PLXDC2: variants seen among roughly 807,000 people sequenced by gnomAD.
PLXDC2 encodes the protein plexin domain-containing protein 2.
Under a neutral mutation model 68.9 loss-of-function variants are expected in PLXDC2, and 40 were observed. The ratio of observed to expected loss-of-function variants is 0.58; its 90% CI spans 0.45 to 0.76. The LOEUF is 0.76. PLXDC2 is among the 30% of genes least tolerant of loss of function. The probability of loss-of-function intolerance (pLI) is 0.00; values close to 1 mark genes in which losing one functional copy is unlikely to be tolerated. For synonymous variants in PLXDC2, 243 were observed against 234.2 expected (o/e 1.04, Z -0.34); for missense variants, 644 against 661.9 (o/e 0.97, Z 0.30).
intron 4 of PLXDC2, among the ~76,000 whole-genome samples, chr10:20,112,081 G>C (rs1288937255): frequency 1.3e-5 from 2 of 152,084 alleles, no homozygotes; most frequent in African/African-American, 2.4e-5. Context: ...ACAGCAAGAA[G>C]GTCTGTGTCC....
chr10:19,969,955 A>T (rs1468449652), intron 1 of PLXDC2, among the ~76,000 whole-genome samples: 1 of 152,240 alleles, frequency 6.6e-6, no homozygotes, highest in African/African-American at 2.4e-5. Context: ...CCATAGTGAC[A>T]CAGAGAACTC....
rs1225252971 is a variant in PLXDC2 at position 19,897,027 on chromosome 10, A to G, written c.112+79836A>G. Among the ~76,000 whole-genome samples, 3 of 150,462 alleles carry G rather than the reference A, an allele frequency of 2.0e-5. No homozygotes were observed. The East Asian group carries it at 5.8e-4, about 29-fold the overall frequency. On this transcript the variant is annotated intron_variant, in intron 1 of 13. Coordinates refer to ENST00000377252, the MANE Select transcript of PLXDC2 (RefSeq NM_032812.9). ...AATGGGAAATTTTACCCATTTCTTT[A>G]CTGCAGTCCCCTGTCACCTAGAACA...
At chr10:20,066,410 G>C (rs1836213159) in intron 3 of PLXDC2, among the ~76,000 whole-genome samples, 1 of 152,210 alleles carries the variant, frequency 6.6e-6, no homozygotes, top group South Asian at 2.1e-4. Flanking sequence ...GACTCTGAAA[G>C]TGAGAATGCA....
intron 13 of PLXDC2, among the ~76,000 whole-genome samples, chr10:20,269,110 A>C (rs1189083600): frequency 6.6e-6 from 1 of 152,188 alleles, no homozygotes; most frequent in East Asian, 1.9e-4. Flanking sequence ...TTACATTTAC[A>C]GGGGGGTATA....
chr10:19,910,332 T>G (rs1353427799), intron 1 of PLXDC2, among the ~76,000 whole-genome samples: 1 of 152,052 alleles, frequency 6.6e-6, no homozygotes, highest in Non-Finnish European at 1.5e-5. Flanking sequence ...TTTTGTGACA[T>G]GTAGTATGTG....
chr10:20,193,594 T>C (rs773016529), intron 9 of PLXDC2, among the ~76,000 whole-genome samples: 2 of 152,082 alleles, frequency 1.3e-5, no homozygotes, highest in Non-Finnish European at 2.9e-5. Context: ...GCATTTTACA[T>C]ATGCTTACAT....
intron 1 of PLXDC2, among the ~76,000 whole-genome samples, chr10:19,844,354 A>G (rs1033546522): frequency 6.6e-6 from 1 of 152,170 alleles, no homozygotes; most frequent in Non-Finnish European, 1.5e-5. Context: ...GTAACCAAAA[A>G]GCTGAATGAA....
chr10:19,934,606 T>A (rs1833693384), intron 1 of PLXDC2, among the ~76,000 whole-genome samples: 1 of 152,220 alleles, frequency 6.6e-6, no homozygotes. Context: ...CAAATTCGCC[T>A]ATAATTTGCT....
intron 4 of PLXDC2, among the ~76,000 whole-genome samples, chr10:20,094,802 G>A (rs1454425545): frequency 6.6e-6 from 1 of 152,148 alleles, no homozygotes; most frequent in African/African-American, 2.4e-5. Flanking sequence ...TCATGTGGAA[G>A]ACTTTTTCCT....
chr10:20,210,137 T>C (rs1217851347), intron 9 of PLXDC2, among the ~76,000 whole-genome samples: 1 of 152,140 alleles, frequency 6.6e-6, no homozygotes, highest in Non-Finnish European at 1.5e-5. Context: ...CTTTAGTGGA[T>C]GCCTGAAATC....
At chr10:20,211,543 A>T (rs1835069448) in intron 9 of PLXDC2, 126 bp from the exon 10 acceptor site, 1 of 746,782 alleles carries the variant, frequency 1.3e-6, no homozygotes, top group Non-Finnish European at 2.2e-6. Context: ...TCTATAGAAG[A>T]GTTAATGTTA....
chr10:20,209,759 G>T (rs148442738), intron 9 of PLXDC2, among the ~76,000 whole-genome samples: 3,675 of 152,064 alleles, frequency 0.024, 147 homozygotes, highest in African/African-American at 0.083. Flanking sequence ...GTCATCACAG[G>T]GTCCTGAGGC....
intron 1 of PLXDC2, among the ~76,000 whole-genome samples, chr10:19,883,009 T>C (rs908056268): frequency 6.7e-6 from 1 of 149,226 alleles, no homozygotes; most frequent in African/African-American, 2.5e-5. Flanking sequence ...CAGGCTGGAG[T>C]GCAGTGGCTC....
chr10:19,828,095 C>A (rs1836609307), intron 1 of PLXDC2, among the ~76,000 whole-genome samples: 1 of 152,190 alleles, frequency 6.6e-6, no homozygotes. Flanking sequence ...GGAGTGAGCT[C>A]AACTCAAATA....
intron 1 of PLXDC2, among the ~76,000 whole-genome samples, chr10:19,871,860 T>C (rs1837542764): frequency 7.1e-6 from 1 of 140,918 alleles, no homozygotes; most frequent in Non-Finnish European, 1.5e-5. Context: ...CACTCCAGCC[T>C]GGGCAACAAG....
intron 4 of PLXDC2, among the ~76,000 whole-genome samples, chr10:20,121,084 GAACTT>G (rs1380079544): frequency 6.6e-6 from 1 of 152,190 alleles, no homozygotes; most frequent in African/African-American, 2.4e-5. Context: ...GGTAATTGTG[GAACTT>G]AACAAAGAGT....
intron 1 of PLXDC2, among the ~76,000 whole-genome samples, chr10:19,860,151 T>C (rs1329806243): frequency 6.6e-6 from 1 of 152,198 alleles, no homozygotes; most frequent in Non-Finnish European, 1.5e-5. Flanking sequence ...TTCCCTCTTC[T>C]CTCTTTTTTC....
At chr10:20,148,606 C>T (rs576540264) in intron 6 of PLXDC2, among the ~76,000 whole-genome samples, 1 of 152,168 alleles carries the variant, frequency 6.6e-6, no homozygotes, top group East Asian at 1.9e-4. Flanking sequence ...GTAAGTAAGG[C>T]CTGTTGGACT....
rs921768011 is a variant in PLXDC2, at chr10:20,285,182, T to C, written c.*5363T>C. 2.0e-5 allele frequency: 3 copies of C among 152,234 alleles called. No homozygotes were observed. Among genetic ancestry groups the C allele is most frequent in the African/African-American group, 7.2e-5 (3 of 41,462 alleles). 9.4% of individuals were successfully genotyped at this position (152,234 alleles called of 1,614,324 possible). ...GTCCTTATAAGGTTTTTTGGGCAGA[T>C]AATGCGAGGTCTGTGGTGTTACCTT... On this transcript the variant is annotated 3_prime_UTR_variant, in exon 14 of 14. Transcript: ENST00000377252.
Sources: allele counts gnomAD v4.1 joint callset (sites outside exome capture counted in the v4.1 genomes callset), GRCh38; gene constraint gnomAD v4.1.1; transcripts MANE v1.5; gene names NCBI Gene and HGNC (gene_info 2026-07-23, HGNC 2026-07-21).